The following ADAMTS18 variants were observed in gnomAD, a reference collection of about 807,000 sequenced individuals.
ADAMTS18 encodes the protein ADAM metallopeptidase with thrombospondin type 1 motif 18.
Under a neutral mutation model 165.9 loss-of-function variants are expected in ADAMTS18, and 157 were observed. The ratio of observed to expected loss-of-function variants is 0.95; its 90% confidence interval spans 0.83 to 1.08. The LOEUF (loss-of-function observed/expected upper bound fraction) is 1.08, where lower values mean the gene tolerates loss of function less well. ADAMTS18 is among the 50% of genes least tolerant of loss of function. The probability of loss-of-function intolerance (pLI) is 0.00; values close to 1 mark genes in which losing one functional copy is unlikely to be tolerated. For missense variants in ADAMTS18, 2,040 were observed against 1,534.0 expected (o/e 1.33, Z -5.51); for synonymous variants, 782 against 578.2 (o/e 1.35, Z -5.06).
At chr16:77,295,416 T>C (rs952756582) in intron 18 of ADAMTS18, among the ~76,000 whole-genome samples, 3 of 152,138 alleles carry the variant, frequency 2.0e-5, no homozygotes, top group African/African-American at 7.2e-5. Context: ...GCCAAATTTG[T>C]TGGGATTTTA....
At chr16:77,367,750 G>C in intron 3 of ADAMTS18, 27 bp from the exon 4 acceptor site, 1 of 1,614,154 alleles carries the variant, frequency 6.2e-7, no homozygotes, top group Non-Finnish European at 8.5e-7. Flanking sequence ...AAAGCAAACA[G>C]TCATGATTCC....
intron 3 of ADAMTS18, among the ~76,000 whole-genome samples, chr16:77,402,968 G>C (rs1210327674): frequency 1.3e-5 from 2 of 152,154 alleles, no homozygotes; most frequent in African/African-American, 4.8e-5. Context: ...CAATCACATG[G>C]TGATACATTA....
intron 21 of ADAMTS18, chr16:77,291,004 G>GGTA: frequency 2.4e-6 from 1 of 422,584 alleles, no homozygotes; most frequent in Non-Finnish European, 4.3e-6. Flanking sequence ...CTGGCCTGGT[G>GGTA]GTAAGTGTTT....
intron 3 of ADAMTS18, 84 bp downstream of exon 3, chr16:77,431,211 G>C: frequency 6.9e-7 from 1 of 1,455,462 alleles, no homozygotes; most frequent in African/African-American, 1.4e-5. Context: ...TTGGCTGGAA[G>C]AGCATTTATA....
At position 77,406,722 on chromosome 16, in the gene ADAMTS18, A is replaced by G. The variant is rs1379502616; in HGVS notation, c.495+24573T>C. Among the ~76,000 whole-genome samples the G allele has an allele frequency of 2.0e-5, 3 of 152,270 alleles. 1 individual carries two copies. The highest frequency in any genetic ancestry group is 3.9e-4 in the East Asian group (2 of 5,190). Reference sequence around the variant, plus strand: ...GCAGAATCAACCTAAAAGCCCATCAATAGTGAACTGGACAAATAAAATTTT... The same window carrying G: ...GCAGAATCAACCTAAAAGCCCATCAGTAGTGAACTGGACAAATAAAATTTT... On this transcript the variant is annotated intron_variant, in intron 3 of 22. Transcript: ENST00000282849.
intron 8 of ADAMTS18, among the ~76,000 whole-genome samples, chr16:77,358,627 T>A (rs1435743503): frequency 6.6e-6 from 1 of 152,212 alleles, no homozygotes; most frequent in Non-Finnish European, 1.5e-5. Context: ...GAATGATGTT[T>A]GCTTTTAAGT....
chr16:77,421,715 A>G (rs1194992255), intron 3 of ADAMTS18, among the ~76,000 whole-genome samples: 7 of 152,190 alleles, frequency 4.6e-5, no homozygotes, highest in Non-Finnish European at 7.4e-5. Context: ...CTGATGTCCC[A>G]TATGTATTTG....
chr16:77,354,695 G>C (rs2056603033), intron 9 of ADAMTS18, among the ~76,000 whole-genome samples: 1 of 152,294 alleles, frequency 6.6e-6, no homozygotes, highest in South Asian at 2.1e-4. Context: ...TCTCATAAAG[G>C]TTGTTACACA....
At position 77,282,371 on chromosome 16, in the gene ADAMTS18, T is replaced by C. The variant is rs1470824261; in HGVS notation, c.*1585A>G. The stretch of plus-strand genomic sequence containing the variant: ...TGTTTTTCAGAAGGCAACGGGGTTG[T>C]AGTAGAGAAAATTTTTTTTTTTCCT... On this transcript the variant is annotated 3_prime_UTR_variant, in exon 23 of 23. Transcript: ENST00000282849. The C allele has an allele frequency of 6.6e-6, 1 of 152,060 alleles. No individual in the cohort carries two copies. The highest frequency in any genetic ancestry group is 1.5e-5 in the Non-Finnish European group (1 of 68,028). The allele number at this position is 152,060 out of a possible 1,614,324, so 9.4% of individuals were successfully genotyped here. A position where few individuals can be genotyped will look rare whatever the true frequency, so the allele number is the denominator to read the frequency against.
intron 8 of ADAMTS18, among the ~76,000 whole-genome samples, chr16:77,358,841 T>C (rs1030185608): frequency 1.5e-4 from 23 of 152,296 alleles, no homozygotes; most frequent in African/African-American, 5.3e-4. Flanking sequence ...TATAGCGTTG[T>C]CTCCATCATA....
chr16:77,292,987 T>C (rs990507208), intron 20 of ADAMTS18, 89 bp downstream of exon 20: 8 of 1,557,416 alleles, frequency 5.1e-6, no homozygotes, highest in Non-Finnish European at 6.1e-6. Context: ...GCCTGGCTAA[T>C]TTTTTGTATT....
intron 16 of ADAMTS18, among the ~76,000 whole-genome samples, chr16:77,301,295 G>C (rs1335787455): frequency 6.6e-6 from 1 of 151,170 alleles, no homozygotes; most frequent in East Asian, 1.9e-4. Context: ...AAAAAAACTG[G>C]AGAGAAAGAA....
At chr16:77,360,547 G>A (rs961233112) in intron 7 of ADAMTS18, among the ~76,000 whole-genome samples, 1 of 150,298 alleles carries the variant, frequency 6.7e-6, no homozygotes, top group African/African-American at 2.5e-5. Flanking sequence ...CTGGATAACA[G>A]ATAACACTGT....
chr16:77,410,132 C>T (rs1399866710), intron 3 of ADAMTS18, among the ~76,000 whole-genome samples: 1 of 152,070 alleles, frequency 6.6e-6, no homozygotes, highest in African/African-American at 2.4e-5. Context: ...TGCACAAACA[C>T]ACTACAAAGT....
At chr16:77,322,154 CAAAA>C (rs36089291) in intron 14 of ADAMTS18, among the ~76,000 whole-genome samples, 178 bp downstream of exon 14, 38 of 73,344 alleles carry the variant, frequency 5.2e-4, no homozygotes, top group East Asian at 2.9e-3. Flanking sequence ...AATTTCATCT[CAAAA>C]AAAAAAAAAA....
At chr16:77,432,381 AG>A (rs1274554730) in intron 2 of ADAMTS18, 2 of 152,292 alleles carry the variant, frequency 1.3e-5, no homozygotes, top group African/African-American at 4.8e-5. Flanking sequence ...GTGTCAGATC[AG>A]GGGACACCTG....
intron 3 of ADAMTS18, among the ~76,000 whole-genome samples, chr16:77,426,381 A>T (rs1481390912): frequency 6.6e-6 from 1 of 152,124 alleles, no homozygotes; most frequent in Non-Finnish European, 1.5e-5. Context: ...GAAGTTAGGG[A>T]AACTATAGGT....
intron 12 of ADAMTS18, among the ~76,000 whole-genome samples, chr16:77,328,719 T>G (rs2056136786): frequency 6.6e-6 from 1 of 152,246 alleles, no homozygotes; most frequent in African/African-American, 2.4e-5. Context: ...TAAGACTTTC[T>G]GTGATTTAAC....
At chr16:77,367,345 C>T in intron 4 of ADAMTS18, 96 bp downstream of exon 4, 1 of 1,410,754 alleles carries the variant, frequency 7.1e-7, no homozygotes, top group Non-Finnish European at 1.0e-6. Flanking sequence ...CAGGGTAGCC[C>T]CATTTTGACT....
Sources: allele counts gnomAD v4.1 joint callset (sites outside exome capture counted in the v4.1 genomes callset), GRCh38; gene constraint gnomAD v4.1.1; transcripts MANE v1.5; gene names NCBI Gene and HGNC (gene_info 2026-07-23, HGNC 2026-07-21).